Variants in IMMP2L observed in about 807,000 individuals in gnomAD.
IMMP2L encodes mitochondrial inner membrane protease subunit 2.
Under a neutral mutation model 19.3 loss-of-function variants are expected in IMMP2L, and 18 were observed. The ratio of observed to expected loss-of-function variants is 0.93; its 90% confidence interval spans 0.64 to 1.38. IMMP2L has a LOEUF of 1.38. Ranked by LOEUF, IMMP2L falls within the 40% of genes most tolerant of loss-of-function variation. The pLI is 0.00. For synonymous variants in IMMP2L, 76 were observed against 73.0 expected (o/e 1.04, Z -0.21); for missense variants, 233 against 218.2 (o/e 1.07, Z -0.43).
At chr7:111,282,729 G>A (rs865970745) in intron 3 of IMMP2L, among the ~76,000 whole-genome samples, 6 of 152,008 alleles carry the variant, frequency 3.9e-5, no homozygotes, top group Non-Finnish European at 5.9e-5. Flanking sequence ...GACCACAGGC[G>A]TGAGCCACAA....
chr7:110,766,064 T>C (rs930643707), intron 5 of IMMP2L, among the ~76,000 whole-genome samples: 1 of 152,210 alleles, frequency 6.6e-6, no homozygotes, highest in African/African-American at 2.4e-5. Context: ...ATTGACCACG[T>C]AATTATTAGT....
chr7:110,776,956 T>C (rs1799432181), intron 5 of IMMP2L, among the ~76,000 whole-genome samples: 1 of 152,022 alleles, frequency 6.6e-6, no homozygotes, highest in African/African-American at 2.4e-5. Context: ...CATTGAAGTG[T>C]GGACTAGGGA....
chr7:111,108,802 A>G (rs1367482991), intron 3 of IMMP2L, among the ~76,000 whole-genome samples: 1 of 152,166 alleles, frequency 6.6e-6, no homozygotes, highest in African/African-American at 2.4e-5. Flanking sequence ...AAGGTCACAA[A>G]TGAGTACCTC....
chr7:110,928,711 T>G (rs1035563393), intron 4 of IMMP2L, among the ~76,000 whole-genome samples: 3 of 152,090 alleles, frequency 2.0e-5, no homozygotes, highest in African/African-American at 7.2e-5. Context: ...TACACTAGAT[T>G]TTAACATTCT....
chr7:111,322,530 T>C (rs757182023), intron 3 of IMMP2L, among the ~76,000 whole-genome samples: 3 of 151,460 alleles, frequency 2.0e-5, no homozygotes, highest in South Asian at 2.1e-4. Flanking sequence ...GAAACAATGG[T>C]AGAGAAATCT....
chr7:111,197,131 T>C (rs1809588021), intron 3 of IMMP2L, among the ~76,000 whole-genome samples: 1 of 152,010 alleles, frequency 6.6e-6, no homozygotes, highest in African/African-American at 2.4e-5. Flanking sequence ...TACCAACTCT[T>C]ACAACGATCA....
intron 3 of IMMP2L, among the ~76,000 whole-genome samples, chr7:111,420,868 C>T (rs1444534498): frequency 2.0e-5 from 3 of 151,692 alleles, no homozygotes; most frequent in African/African-American, 2.4e-5. Flanking sequence ...AATAAACATA[C>T]GTGTGCATGT....
rs571615370 is a variant in IMMP2L, at chr7:111,210,023, A to G, written c.240-246458T>C. On this transcript the variant is annotated intron_variant, in intron 3 of 5. Coordinates refer to ENST00000405709, the MANE Select transcript of IMMP2L (RefSeq NM_032549.4). ...GTTCTTTGCCGAGAGTGAATAATCA[A>G]TCTCTTCTCCGTGTCCTCTCCTTTT... Among the ~76,000 whole-genome samples, 110 of 152,252 alleles carry G rather than the reference A, an allele frequency of 7.2e-4. 1 individual carries two copies. The highest frequency in any genetic ancestry group is 5.6e-3 in the South Asian group (27 of 4,808).
At chr7:111,221,102 T>A (rs1402836707) in intron 3 of IMMP2L, among the ~76,000 whole-genome samples, 1 of 151,954 alleles carries the variant, frequency 6.6e-6, no homozygotes, top group Non-Finnish European at 1.5e-5. Flanking sequence ...CACATAAAAT[T>A]AACCACCACA....
intron 5 of IMMP2L, among the ~76,000 whole-genome samples, chr7:110,664,592 G>C (rs1020470084): frequency 1.3e-5 from 2 of 152,066 alleles, no homozygotes; most frequent in Admixed American, 6.6e-5. Context: ...GTGAACAGGA[G>C]AACATAGCAA....
intron 3 of IMMP2L, among the ~76,000 whole-genome samples, chr7:111,052,612 G>A (rs553507599): frequency 1.3e-5 from 2 of 151,988 alleles, no homozygotes; most frequent in Non-Finnish European, 2.9e-5. Flanking sequence ...TCCCTAAAAC[G>A]TATAAAGCCA....
chr7:111,412,825 A>G (rs1269099702), intron 3 of IMMP2L, among the ~76,000 whole-genome samples: 1 of 151,754 alleles, frequency 6.6e-6, no homozygotes, highest in Admixed American at 6.6e-5. Context: ...GGTTTAGAAG[A>G]AATTTTTTTT....
intron 3 of IMMP2L, among the ~76,000 whole-genome samples, chr7:111,142,753 C>G (rs1803069263): frequency 6.6e-6 from 1 of 152,128 alleles, no homozygotes; most frequent in South Asian, 2.1e-4. Context: ...ATACAAAGCC[C>G]TTCTCCCTCA....
At chr7:111,103,211 A>G (rs1397694064) in intron 3 of IMMP2L, among the ~76,000 whole-genome samples, 1 of 151,558 alleles carries the variant, frequency 6.6e-6, no homozygotes, top group East Asian at 1.9e-4. Context: ...ATCTCAAAAA[A>G]CCTGTATTAG....
At chr7:110,820,926 C>T (rs1255079753) in intron 5 of IMMP2L, among the ~76,000 whole-genome samples, 1 of 152,032 alleles carries the variant, frequency 6.6e-6, no homozygotes, top group Non-Finnish European at 1.5e-5. Flanking sequence ...TCCAATCTCC[C>T]TCCACTAAAA....
At chr7:111,051,870 C>T (rs1585972117) in intron 3 of IMMP2L, among the ~76,000 whole-genome samples, 1 of 152,270 alleles carries the variant, frequency 6.6e-6, no homozygotes, top group Non-Finnish European at 1.5e-5. Context: ...AATTTTAAGC[C>T]TCCAACTGAC....
chr7:111,090,161 G>C (rs1346792135), intron 3 of IMMP2L, among the ~76,000 whole-genome samples: 1 of 151,822 alleles, frequency 6.6e-6, no homozygotes, highest in Non-Finnish European at 1.5e-5. Flanking sequence ...ACTGCTTTTT[G>C]ATTTTTCATG....
chr7:111,248,774 C>G, intron 3 of IMMP2L, among the ~76,000 whole-genome samples: 1 of 32,548 alleles, frequency 3.1e-5, no homozygotes, highest in African/African-American at 1.9e-4. Context: ...GTTGGAATAC[C>G]CTGCCGTGTG....
intron 1 of IMMP2L, among the ~76,000 whole-genome samples, chr7:111,531,956 A>C (rs1253413556): frequency 1.3e-5 from 2 of 152,160 alleles, no homozygotes; most frequent in African/African-American, 2.4e-5. Flanking sequence ...GCTGTGTTCA[A>C]AATTGGCTTT....
Sources: gnomAD v4.1 joint callset for allele counts (sites outside exome capture counted in the v4.1 genomes callset) on GRCh38, gnomAD v4.1.1 for gene constraint, MANE v1.5 for transcripts, NCBI Gene and HGNC (gene_info 2026-07-23, HGNC 2026-07-21) for gene names.